The following ZFHX4 variants were observed in gnomAD, a reference collection of about 807,000 sequenced individuals.
ZFHX4 encodes zinc finger homeobox 4.
A neutral mutation model predicts 267.6 loss-of-function variants in ZFHX4; 56 were observed. The observed-to-expected ratio is 0.21, with a 90% CI of 0.17 to 0.26. The LOEUF (loss-of-function observed/expected upper bound fraction) is 0.26, where lower values mean the gene tolerates loss of function less well. ZFHX4 is among the 10% of genes least tolerant of loss of function. The pLI is 1.00. For synonymous variants in ZFHX4, 1,778 were observed against 1,665.6 expected (o/e 1.07, Z -1.64); for missense variants, 4,332 against 4,420.0 (o/e 0.98, Z 0.56).
chr8:76,798,987 G>T (rs1349356750), intron 4 of ZFHX4, among the ~76,000 whole-genome samples: 6 of 152,114 alleles, frequency 3.9e-5, no homozygotes, highest in African/African-American at 1.4e-4. Context: ...AAAGAGGAGA[G>T]GCACAATATA....
intron 3 of ZFHX4, among the ~76,000 whole-genome samples, chr8:76,720,586 C>A (rs995416575): frequency 2.0e-5 from 3 of 152,064 alleles, no homozygotes; most frequent in African/African-American, 7.2e-5. Flanking sequence ...CACATTACTG[C>A]CGTCTGTTCT....
intron 4 of ZFHX4, among the ~76,000 whole-genome samples, chr8:76,824,543 T>C (rs1486379292): frequency 6.6e-6 from 1 of 152,160 alleles, no homozygotes; most frequent in African/African-American, 2.4e-5. Flanking sequence ...TCCTTCAAAG[T>C]TCATATTCTG....
intron 4 of ZFHX4, among the ~76,000 whole-genome samples, chr8:76,805,810 G>A (rs544989970): frequency 1.3e-5 from 2 of 151,956 alleles, no homozygotes; most frequent in South Asian, 4.2e-4. Flanking sequence ...TTTGGGTAAA[G>A]TGATATGAAA....
In ZFHX4 at chr8:76,850,347, T is replaced by C; in HGVS notation, c.3949T>C (p.Ser1317Pro). Residue 1317 changes from serine to proline, a missense_variant, in exon 9 of 11, where the codon TCT becomes CCT. Coordinates refer to ENST00000651372, the MANE Select transcript of ZFHX4 (RefSeq NM_024721.5). ...DTPAAVTAEG[S>P]GKYSGESPMD... The stretch of plus-strand genomic sequence containing the variant: ...ACCTGCAGCCGTGACAGCTGAGGGG[T>C]CTGGGAAATATTCAGGTATGCCATC... 1.2e-6 allele frequency: 2 copies of C among 1,611,486 alleles called. No individual in the cohort carries two copies. The highest frequency in any genetic ancestry group is 1.7e-6 in the Non-Finnish European group (2 of 1,179,000).
rs550649829 is a variant in ZFHX4 at position 76,863,855 on chromosome 8, C to A, written c.10141C>A (p.Pro3381Thr). Residue 3381 changes from proline (P) to threonine (T), a missense_variant, in exon 11 of 11, where the codon CCC becomes ACC. Coordinates refer to ENST00000651372, the MANE Select transcript of ZFHX4 (RefSeq NM_024721.5). Reference sequence around the variant, plus strand: ...TGCTACAGAAAGCACAAAAGAAGAACCCCAGTTAGAATCCAAAAGTGCAGA... The same window carrying A: ...TGCTACAGAAAGCACAAAAGAAGAAACCCAGTTAGAATCCAAAAGTGCAGA... ...STATESTKEE[P>T]QLESKSADFS... 14 of 1,556,286 alleles carry A rather than the reference C, an allele frequency of 9.0e-6. No homozygotes were observed. The highest frequency in any genetic ancestry group is 1.4e-5 in the African/African-American group (1 of 73,320).
intron 2 of ZFHX4, among the ~76,000 whole-genome samples, chr8:76,706,966 A>G (rs956962622): frequency 6.6e-6 from 1 of 152,234 alleles, no homozygotes; most frequent in East Asian, 1.9e-4. Context: ...ATTGCCTGCC[A>G]TCATTAGCCA....
At chr8:76,796,366 A>T (rs1810979970) in intron 4 of ZFHX4, among the ~76,000 whole-genome samples, 2 of 152,196 alleles carry the variant, frequency 1.3e-5, no homozygotes, top group African/African-American at 4.8e-5. Flanking sequence ...TATGAATTGC[A>T]GTTTTTTCAC....
At position 76,682,291 on chromosome 8, in the gene ZFHX4, G is replaced by T. The variant is rs555539038; in HGVS notation, c.-47+671G>T. Among the ~76,000 whole-genome samples the T allele has an allele frequency of 1.4e-4, 21 of 151,868 alleles. No individual in the cohort carries two copies. In the East Asian group the frequency reaches 4.1e-3, roughly 30 times the overall value. ...GTTTTTCTTCCTCCTTTTACCACCC[G>T]CCCCTCTTCCCCTTCTCAAGTTCCC... On this transcript the variant is annotated intron_variant, in intron 1 of 10. Coordinates refer to ENST00000651372, the MANE Select transcript of ZFHX4 (RefSeq NM_024721.5).
chr8:76,685,436 G>A (rs961246772), intron 1 of ZFHX4, among the ~76,000 whole-genome samples: 2 of 152,078 alleles, frequency 1.3e-5, no homozygotes, highest in African/African-American at 2.4e-5. Context: ...TAGGATTTTC[G>A]TTATAAAGAC....
chr8:76,730,453 C>T (rs1307917856), intron 3 of ZFHX4, among the ~76,000 whole-genome samples: 2 of 152,134 alleles, frequency 1.3e-5, no homozygotes, highest in Non-Finnish European at 2.9e-5. Context: ...GTAATCCTAG[C>T]ACTTTGGGAA....
In ZFHX4 at chr8:76,681,322, A is replaced by C. The variant is rs187326595; in HGVS notation, c.-345A>C. The stretch of plus-strand genomic sequence containing the variant: ...TAAAACGATAATAATTAGCAGAATA[A>C]AGACATATCGGATTTTCATTTCCTT... On this transcript the variant is annotated 5_prime_UTR_variant, in exon 1 of 11. Coordinates refer to ENST00000651372, the MANE Select transcript of ZFHX4 (RefSeq NM_024721.5). 2.5e-6 allele frequency: 1 copy of C among 398,876 alleles called. No homozygotes were observed. The highest frequency in any genetic ancestry group is 4.4e-5 in the Admixed American group (1 of 22,736). 24.7% of individuals were successfully genotyped at this position (398,876 alleles called of 1,614,324 possible). A position where few individuals can be genotyped will look rare whatever the true frequency, so the allele number is the denominator to read the frequency against.
intron 3 of ZFHX4, among the ~76,000 whole-genome samples, chr8:76,767,051 GT>G: frequency 6.6e-6 from 1 of 150,980 alleles, no homozygotes; most frequent in African/African-American, 2.5e-5. Flanking sequence ...AGGGGTGTGT[GT>G]GTGTGTGTGT....
At chr8:76,753,196 T>G (rs60863005) in intron 3 of ZFHX4, among the ~76,000 whole-genome samples, 2,076 of 152,278 alleles carry the variant, frequency 0.014, 44 homozygotes, top group African/African-American at 0.047. Context: ...ACCATCAGTT[T>G]CCTTTATTGT....
At chr8:76,861,805 G>A (rs1812875442) in intron 10 of ZFHX4, among the ~76,000 whole-genome samples, 1 of 151,426 alleles carries the variant, frequency 6.6e-6, no homozygotes, top group Non-Finnish European at 1.5e-5. Context: ...TTAGCATGGA[G>A]GTAAGACTAT....
chr8:76,739,823 T>C (rs1416076005), intron 3 of ZFHX4, among the ~76,000 whole-genome samples: 1 of 152,200 alleles, frequency 6.6e-6, no homozygotes, highest in Non-Finnish European at 1.5e-5. Flanking sequence ...GTTTGTTATA[T>C]TTATAGGTCC....
chr8:76,852,316 C>A lies in ZFHX4; in HGVS notation c.5395C>A (p.Gln1799Lys). Residue 1799 changes from glutamine to lysine, a missense_variant, in exon 10 of 11, where the codon CAA (glutamine) becomes AAA (lysine). Around this residue, in one of 7 missense-constraint regions of ZFHX4, gnomAD observed 1,371 missense variants for 1,423.1 expected, o/e 0.96. Transcript: ENST00000651372. ...GQTQLQILQQ[Q>K]AQQYQATQPQ... ...AACTCAACTCCAGATACTACAGCAA[C>A]AAGCACAACAATACCAAGCCACACA... 1.9e-6 allele frequency: 3 copies of A among 1,555,464 alleles called. No homozygotes were observed. Among genetic ancestry groups the A allele is most frequent in the East Asian group, 2.4e-5 (1 of 41,128 alleles).
At chr8:76,818,736 G>C (rs1317403765) in intron 4 of ZFHX4, among the ~76,000 whole-genome samples, 2 of 152,056 alleles carry the variant, frequency 1.3e-5, no homozygotes, top group Non-Finnish European at 2.9e-5. Flanking sequence ...GGGCAACACA[G>C]GGAGACCTTG....
At chr8:76,686,926 C>T (rs1431566818) in intron 1 of ZFHX4, among the ~76,000 whole-genome samples, 2 of 152,196 alleles carry the variant, frequency 1.3e-5, no homozygotes, top group Non-Finnish European at 2.9e-5. Context: ...GCTGTACCCA[C>T]AGGGAGAGGG....
At chr8:76,767,245 A>G (rs1243781736) in intron 3 of ZFHX4, among the ~76,000 whole-genome samples, 1 of 152,186 alleles carries the variant, frequency 6.6e-6, no homozygotes, top group Non-Finnish European at 1.5e-5. Flanking sequence ...GATAGGTGGT[A>G]TAAAAGCGCT....
Sources: gnomAD v4.1 joint callset for allele counts (sites outside exome capture counted in the v4.1 genomes callset) on GRCh38, gnomAD v4.1.1 for gene constraint, gnomAD v4.1.1 regional missense constraint, MANE v1.5 for transcripts, NCBI Gene and HGNC (gene_info 2026-07-23, HGNC 2026-07-21) for gene names.